The following HMCN2 variants were observed in gnomAD, a reference collection of about 807,000 sequenced individuals.
The protein encoded by HMCN2 is hemicentin-2.
A neutral mutation model predicts 377.5 loss-of-function variants in HMCN2; 325 were observed. The observed-to-expected ratio is 0.86, with a 90% CI of 0.79 to 0.94. HMCN2 has a LOEUF of 0.94. Among genes scored for constraint, HMCN2 ranks in the 40% least tolerant of loss-of-function variants. The pLI is 0.00. For missense variants in HMCN2, 4,543 were observed against 4,725.3 expected (o/e 0.96, Z 1.13); for synonymous variants, 2,007 against 2,046.8 (o/e 0.98, Z 0.53).
intron 76 of HMCN2, 65 bp downstream of exon 76, chr9:130,399,697 G>T (rs1842776189): frequency 1.7e-6 from 2 of 1,158,192 alleles, no homozygotes; most frequent in African/African-American, 3.2e-5. Flanking sequence ...GCTCTTGGGT[G>T]CTCTCCCTGC....
In HMCN2 at chr9:130,433,721, G is replaced by C. The variant is rs1249289824; in HGVS notation, c.*28G>C. 3.5e-6 allele frequency: 5 copies of C among 1,416,510 alleles called. No homozygotes were observed. The highest frequency in any genetic ancestry group is 4.6e-6 in the Non-Finnish European group (5 of 1,083,544). The allele number at this position is 1,416,510 out of a possible 1,614,324, so 87.7% of individuals were successfully genotyped here. A position where few individuals can be genotyped will look rare whatever the true frequency, so the allele number is the denominator to read the frequency against. ...GGGAGAGGGCATTGGCGGCCGCCCT[G>C]GCGTGACCCCCGAGGAAGGGGTCGA... On this transcript the variant is annotated 3_prime_UTR_variant, in exon 98 of 98. Transcript: ENST00000683500.
chr9:130,358,386 C>G lies in HMCN2; in HGVS notation c.5581-4C>G, dbSNP rs989953694. On this transcript the variant is annotated splice_region_variant and splice_polypyrimidine_tract_variant and intron_variant, in intron 35 of 97. Coordinates refer to ENST00000683500, the MANE Select transcript of HMCN2 (RefSeq NM_001291815.2). ...TGGCATACTCTCTGCCCCCTCCCCT[C>G]CAGATTGAGAAGGTGGACCTGAGGG... 7.7e-7 allele frequency: 1 copy of G among 1,304,140 alleles called. No individual in the cohort carries two copies. Among genetic ancestry groups the G allele is most frequent in the African/African-American group, 1.5e-5 (1 of 65,872 alleles). 80.8% of individuals were successfully genotyped at this position (1,304,140 alleles called of 1,614,324 possible).
Position 130,397,545 on chromosome 9 carries a change from A to T in HMCN2, c.11216A>T (p.Glu3739Val). The T allele has an allele frequency of 1.6e-6, 2 of 1,289,814 alleles. No homozygotes were observed. Among genetic ancestry groups the T allele is most frequent in the African/African-American group, 1.5e-5 (1 of 65,990 alleles). 79.9% of individuals were successfully genotyped at this position (1,289,814 alleles called of 1,614,324 possible). ...CATTCTAGGTTTGAAATTCTGCCTG[A>T]GGGTTCCCTGAGAATCCAGCCAGTC... ...PRSPRFEILP[E>V]GSLRIQPVLA... Residue 3739 changes from glutamate (E) to valine (V), a missense_variant, in exon 74 of 98, where the codon GAG becomes GTG. By Grantham distance (121) the Glu-to-Val change is moderately radical. This residue lies in a region of HMCN2 where 1,073 missense variants were observed against 1,319.5 expected (regional missense o/e 0.81). Coordinates refer to ENST00000683500, the MANE Select transcript of HMCN2 (RefSeq NM_001291815.2).
chr9:130,344,038 A>G (rs1200328107), intron 25 of HMCN2, among the ~76,000 whole-genome samples: 1 of 151,988 alleles, frequency 6.6e-6, no homozygotes. Flanking sequence ...CCTGGGCAGC[A>G]GCTGGTGCCC....
intron 1 of HMCN2, among the ~76,000 whole-genome samples, chr9:130,280,600 T>C (rs1426362685): frequency 6.6e-6 from 1 of 152,178 alleles, no homozygotes; most frequent in Admixed American, 6.5e-5. Context: ...ATTAAAATGA[T>C]GTTTGACTGA....
Position 130,351,511 on chromosome 9 carries a change from C to T in HMCN2, c.4519C>T (p.Arg1507Ter), listed in dbSNP as rs1330523058. 7 of 1,304,114 alleles carry T rather than the reference C, an allele frequency of 5.4e-6. No homozygotes were observed. The highest frequency in any genetic ancestry group is 2.5e-5 in the South Asian group (2 of 81,020). The allele number at this position is 1,304,114 out of a possible 1,614,324, so 80.8% of individuals were successfully genotyped here. A position where few individuals can be genotyped will look rare whatever the true frequency, so the allele number is the denominator to read the frequency against. Residue 1507 changes from arginine to a stop codon, truncating the protein, a stop_gained, in exon 30 of 98, where the codon CGA becomes TGA. Transcript: ENST00000683500. LOFTEE classifies it high-confidence loss of function. The surrounding 1 kb of genome is among the most constrained non-coding windows in gnomAD (Gnocchi z 5.4). ...ITGSHVGDEG[R>*]YQCVAFSPAG... is the part of the protein sequence containing the mutation. ...CGGCAGTCACGTGGGGGATGAGGGA[C>T]GATACCAGTGCGTGGCCTTCAGCCC... is the stretch of plus-strand genomic sequence containing the variant.
Position 130,360,796 on chromosome 9 carries a change from T to TCCAC in HMCN2, c.5950+195_5950+196insCCCA, listed in dbSNP as rs1279792527. On this transcript the variant is annotated intron_variant, in intron 38 of 97. Coordinates refer to ENST00000683500, the MANE Select transcript of HMCN2 (RefSeq NM_001291815.2). This position sits in a 1 kb window ranked among gnomAD's most constrained non-coding sequence, Gnocchi z 4.7. ...TCCATCCATCCATCCATCCCACCCATCCATCCACCCATCCACCCCTCCATC... is the reference window on the plus strand; with the variant it reads ...TCCATCCATCCATCCATCCCACCCATCCACCCATCCACCCATCCACCCCTCCATC... 1.4e-5 allele frequency among the ~76,000 whole-genome samples: 2 copies of TCCAC among 142,674 alleles called. No homozygotes were observed. Among genetic ancestry groups the TCCAC allele is most frequent in the Non-Finnish European group, 1.5e-5 (1 of 66,094 alleles). 93.6% of individuals were successfully genotyped at this position (142,674 alleles called of 152,430 possible). A position where few individuals can be genotyped will look rare whatever the true frequency, so the allele number is the denominator to read the frequency against.
chr9:130,313,411 G>A (rs1837370158), intron 15 of HMCN2, among the ~76,000 whole-genome samples: 2 of 145,920 alleles, frequency 1.4e-5, no homozygotes, highest in African/African-American at 4.9e-5. Flanking sequence ...GCATCTGCCA[G>A]TCAGGAGTCC....
At chr9:130,292,287 C>T (rs1835825208) in intron 4 of HMCN2, among the ~76,000 whole-genome samples, 1 of 152,190 alleles carries the variant, frequency 6.6e-6, no homozygotes, top group Admixed American at 6.5e-5. Flanking sequence ...AATGTTCTCG[C>T]TCTGTGCGGA....
chr9:130,374,849 G>A (rs78731977), intron 49 of HMCN2, among the ~76,000 whole-genome samples, 156 bp downstream of exon 49: 1 of 152,306 alleles, frequency 6.6e-6, no homozygotes, highest in Non-Finnish European at 1.5e-5. Context: ...CTCTATTGAC[G>A]GAACATTTAT....
At position 130,365,909 on chromosome 9, in the gene HMCN2, C is replaced by A. The variant is rs1588319470; in HGVS notation, c.6539C>A (p.Thr2180Asn). The change falls in exon 43 of 98, where the codon ACC (threonine) becomes AAC (asparagine). Residue 2180 changes from threonine to asparagine, a missense_variant. By Grantham distance (65) the Thr-to-Asn change is moderately conservative (BLOSUM62 0). Around this residue, in one of 5 missense-constraint regions of HMCN2, gnomAD observed 1,032 missense variants for 1,285.1 expected, o/e 0.80. Coordinates refer to ENST00000683500, the MANE Select transcript of HMCN2 (RefSeq NM_001291815.2). ...GTGTTCCCCTTGAGGGAATCCCACA[C>A]CCTGACTGTGAGAGAGGGGCACCCT... ...APVFPLRESH[T>N]LTVREGHPTR... 1 of 985,756 alleles carries A rather than the reference C, an allele frequency of 1.0e-6. No individual in the cohort carries two copies. 61.1% of individuals were successfully genotyped at this position (985,756 alleles called of 1,614,324 possible).
intron 11 of HMCN2, 68 bp from the exon 12 acceptor site, chr9:130,306,061 C>T (rs1554936559): frequency 6.6e-6 from 3 of 453,642 alleles, no homozygotes; most frequent in African/African-American, 2.0e-5. Flanking sequence ...GAGCCCGGGG[C>T]GGGGTGCCTG....
At chr9:130,404,824 G>C (rs920513800) in intron 80 of HMCN2, 45 bp from the exon 81 acceptor site, 1 of 1,173,954 alleles carries the variant, frequency 8.5e-7, no homozygotes, top group Admixed American at 3.2e-5. Flanking sequence ...GGTGTCAGCC[G>C]CCTCCCTGAG....
intron 4 of HMCN2, among the ~76,000 whole-genome samples, chr9:130,293,579 T>TG (rs1220424691): frequency 6.6e-6 from 1 of 151,936 alleles, no homozygotes; most frequent in African/African-American, 2.4e-5. Flanking sequence ...AGGTGTGAGC[T>TG]GGGGAGAGGA....
rs955270909 is a variant in HMCN2, at chr9:130,394,887, G to A, written c.10693-140G>A. 6.7e-6 allele frequency: 3 copies of A among 445,578 alleles called. No homozygotes were observed. Among genetic ancestry groups the A allele is most frequent in the African/African-American group, 2.1e-5 (1 of 48,582 alleles). The allele number at this position is 445,578 out of a possible 1,614,324, so 27.6% of individuals were successfully genotyped here. On this transcript the variant is annotated intron_variant, in intron 69 of 97. Transcript: ENST00000683500. This position sits in a 1 kb window ranked among gnomAD's most constrained non-coding sequence, Gnocchi z 5.1. ...CAACAGTGAGATGGAGGGAGAGGGC[G>A]TGGGTTGGCTGGGAGGTGGATGGCA...
At chr9:130,287,490 G>A (rs1427402951) in intron 4 of HMCN2, among the ~76,000 whole-genome samples, 1 of 143,972 alleles carries the variant, frequency 6.9e-6, no homozygotes, top group Non-Finnish European at 1.5e-5. Context: ...GGCGGAGGTT[G>A]TGGTGAGCCA....
intron 7 of HMCN2, among the ~76,000 whole-genome samples, chr9:130,298,044 T>C (rs1554932763): frequency 1.3e-5 from 2 of 152,166 alleles, no homozygotes; most frequent in African/African-American, 4.8e-5. Context: ...AACCTCTGCC[T>C]CCTGGATTCA....
chr9:130,360,350 TTTCCCCCTTACTTCTCTCTTCCA>T lies in HMCN2; in HGVS notation c.5774-68_5774-46del. ...CCTTTCCCCCTTGCATCTCTCTTCC[TTTCCCCCTTACTTCTCTCTTCCA>T]TTCCCCCTTGCTTCTCTCTTCCTTT... On this transcript the variant is annotated intron_variant, in intron 37 of 97. Coordinates refer to ENST00000683500, the MANE Select transcript of HMCN2 (RefSeq NM_001291815.2). This position sits in a 1 kb window ranked among gnomAD's most constrained non-coding sequence, Gnocchi z 4.7. 1 of 763,862 alleles carries T rather than the reference TTTCCCCCTTACTTCTCTCTTCCA, an allele frequency of 1.3e-6. No homozygotes were observed. Among genetic ancestry groups the T allele is most frequent in the South Asian group, 2.6e-5 (1 of 39,188 alleles). The allele number at this position is 763,862 out of a possible 1,614,324, so 47.3% of individuals were successfully genotyped here. A position where few individuals can be genotyped will look rare whatever the true frequency, so the allele number is the denominator to read the frequency against.
At chr9:130,298,991 C>T (rs530046375) in intron 7 of HMCN2, 34 bp from the exon 8 acceptor site, 7 of 452,466 alleles carry the variant, frequency 1.5e-5, no homozygotes, top group South Asian at 9.7e-5. Flanking sequence ...CAGACACTGA[C>T]GCCAGCACTT....
Sources: allele counts gnomAD v4.1 joint callset (sites outside exome capture counted in the v4.1 genomes callset), GRCh38; gene constraint gnomAD v4.1.1; regional missense constraint gnomAD v4.1.1; non-coding constraint Gnocchi (gnomAD v3.1); transcripts MANE v1.5; gene names NCBI Gene and HGNC (gene_info 2026-07-23, HGNC 2026-07-21).